The following COL19A1 variants were observed in gnomAD, a reference collection of about 807,000 sequenced individuals.
COL19A1 encodes the protein collagen alpha-1(XIX) chain.
Under a neutral mutation model 190.2 loss-of-function variants are expected in COL19A1, and 159 were observed. That is an observed-to-expected ratio of 0.84 (90% confidence interval 0.73 to 0.95). COL19A1 has a LOEUF of 0.95. COL19A1 is among the 40% of genes least tolerant of loss of function. The probability of loss-of-function intolerance (pLI) is 0.00; values close to 1 mark genes in which losing one functional copy is unlikely to be tolerated. For synonymous variants in COL19A1, 509 were observed against 458.9 expected, an observed-to-expected ratio of 1.11 and a Z score of -1.39; for missense variants, 1,418 against 1,431.9, an observed-to-expected ratio of 0.99 and a Z score of 0.16.
chr6:69,958,712 A>G lies in COL19A1; in HGVS notation c.937-1284A>G, dbSNP rs2066246. On this transcript the variant is annotated intron_variant, in intron 9 of 50. Coordinates refer to ENST00000620364, the MANE Select transcript of COL19A1 (RefSeq NM_001858.6). ...GATAATTTAATCTAATCTAAGAAAA[A>G]CCTCAATCTTTAAAATAATATGTGT... 8.6e-3 allele frequency among the ~76,000 whole-genome samples: 1,306 copies of G among 152,230 alleles called. 19 individuals carry two copies. The highest frequency in any genetic ancestry group is 0.029 in the African/African-American group (1,221 of 41,554).
intron 48 of COL19A1, among the ~76,000 whole-genome samples, chr6:70,191,987 C>T (rs757961824): frequency 6.6e-6 from 1 of 152,126 alleles, no homozygotes; most frequent in Non-Finnish European, 1.5e-5. Context: ...ACTAGAAATA[C>T]AGTAGAGTAA....
At chr6:69,993,837 TTC>T (rs1776754918) in intron 11 of COL19A1, among the ~76,000 whole-genome samples, 1 of 152,086 alleles carries the variant, frequency 6.6e-6, no homozygotes, top group Admixed American at 6.6e-5. Context: ...TATTTGGATC[TTC>T]TCTCTTTTTT....
chr6:70,030,131 A>G (rs1020960097), intron 12 of COL19A1, among the ~76,000 whole-genome samples: 1 of 152,144 alleles, frequency 6.6e-6, no homozygotes, highest in East Asian at 1.9e-4. Context: ...ATATACTTCA[A>G]TGATAATACT....
intron 9 of COL19A1, among the ~76,000 whole-genome samples, chr6:69,945,076 G>A (rs1434742357): frequency 6.6e-6 from 1 of 151,786 alleles, no homozygotes; most frequent in African/African-American, 2.4e-5. Flanking sequence ...AATTCTCTCA[G>A]AGTTTTATAA....
chr6:69,929,745 T>A (rs1772632331), intron 6 of COL19A1, 45 bp downstream of exon 6: 1 of 1,446,398 alleles, frequency 6.9e-7, no homozygotes, highest in Non-Finnish European at 9.3e-7. Flanking sequence ...AATTTCTAAG[T>A]AAAAAAAAAA....
chr6:70,073,731 A>G (rs1781694024), intron 15 of COL19A1, among the ~76,000 whole-genome samples: 1 of 152,174 alleles, frequency 6.6e-6, no homozygotes, highest in Non-Finnish European at 1.5e-5. Flanking sequence ...TGCAAGGTAG[A>G]GTAGACTATT....
intron 11 of COL19A1, among the ~76,000 whole-genome samples, chr6:69,996,179 A>G (rs1776894679): frequency 6.6e-6 from 1 of 152,176 alleles, no homozygotes; most frequent in African/African-American, 2.4e-5. Context: ...ACACAATACT[A>G]TTCAGGTGGC....
chr6:70,051,257 G>C (rs1206936729), intron 14 of COL19A1, among the ~76,000 whole-genome samples: 1 of 152,102 alleles, frequency 6.6e-6, no homozygotes, highest in Non-Finnish European at 1.5e-5. Context: ...CCAATATAGA[G>C]AAAGGATTAG....
At chr6:70,048,156 G>A (rs1424372914) in intron 14 of COL19A1, among the ~76,000 whole-genome samples, 1 of 152,228 alleles carries the variant, frequency 6.6e-6, no homozygotes, top group East Asian at 1.9e-4. Flanking sequence ...TACGCACAGA[G>A]AGGGTGCATA....
At chr6:70,171,341 C>T (rs1323379442) in intron 40 of COL19A1, among the ~76,000 whole-genome samples, 1 of 152,170 alleles carries the variant, frequency 6.6e-6, no homozygotes, top group Non-Finnish European at 1.5e-5. Context: ...TGAGGATCTA[C>T]AGGCTCCAGC....
intron 11 of COL19A1, among the ~76,000 whole-genome samples, chr6:69,966,248 G>GTCGCCA (rs1562042600): frequency 6.6e-6 from 1 of 152,126 alleles, no homozygotes; most frequent in Non-Finnish European, 1.5e-5. Context: ...CCTCTGCCCG[G>GTCGCCA]CCGCCACCCC....
In COL19A1 at chr6:70,139,567, T is replaced by C. The variant is rs543164554; in HGVS notation, c.1447-1387T>C. On this transcript the variant is annotated intron_variant, in intron 19 of 50. Transcript: ENST00000620364. ...AATTTTACATTATTACGGAGAGCAGTTTAGCTTTTTATGGTCTCAAACTTT... is the reference window on the plus strand; with the variant it reads ...AATTTTACATTATTACGGAGAGCAGCTTAGCTTTTTATGGTCTCAAACTTT... 2.8e-4 allele frequency among the ~76,000 whole-genome samples: 42 copies of C among 152,168 alleles called. 1 individual carries two copies. In the South Asian group the frequency reaches 8.3e-3, roughly 30 times the overall value.
chr6:69,877,274 T>G (rs529828617), intron 1 of COL19A1, among the ~76,000 whole-genome samples: 1 of 152,342 alleles, frequency 6.6e-6, no homozygotes, highest in African/African-American at 2.4e-5. Context: ...TATTTCCACA[T>G]TAGTTGCTTC....
intron 31 of COL19A1, 139 bp from the exon 32 acceptor site, chr6:70,155,988 A>G (rs190828410): frequency 1.6e-6 from 1 of 629,294 alleles, no homozygotes; most frequent in Admixed American, 3.2e-5. Flanking sequence ...AATTGGATAC[A>G]TCAAGTGTCT....
intron 16 of COL19A1, among the ~76,000 whole-genome samples, chr6:70,117,026 G>C (rs561077408): frequency 7.2e-5 from 11 of 152,248 alleles, no homozygotes; most frequent in South Asian, 2.1e-4. Context: ...GAGATGAAGA[G>C]GTACAGGGTA....
At chr6:69,928,076 A>G in intron 5 of COL19A1, 44 bp downstream of exon 5, 2 of 1,592,964 alleles carry the variant, frequency 1.3e-6, no homozygotes, top group Middle Eastern at 1.7e-4. Context: ...TCCTTGTGTA[A>G]TTAAGCCAGG....
chr6:70,113,892 T>C (rs1784419111), intron 16 of COL19A1, among the ~76,000 whole-genome samples: 1 of 129,382 alleles, frequency 7.7e-6, no homozygotes, highest in African/African-American at 2.9e-5. Flanking sequence ...GCTCTGTCAC[T>C]CAGGCTGGAG....
intron 11 of COL19A1, among the ~76,000 whole-genome samples, chr6:70,001,249 T>A (rs1272151019): frequency 2.6e-5 from 4 of 152,150 alleles, no homozygotes; most frequent in Admixed American, 1.3e-4. Flanking sequence ...GGTACCAGTA[T>A]CATGCTGTTT....
At chr6:70,003,161 G>T (rs1777378997) in intron 11 of COL19A1, among the ~76,000 whole-genome samples, 1 of 152,162 alleles carries the variant, frequency 6.6e-6, no homozygotes, top group Non-Finnish European at 1.5e-5. Context: ...TTCAGAGGAG[G>T]TTGTTCAATT....
Sources: gnomAD v4.1 joint callset for allele counts (sites outside exome capture counted in the v4.1 genomes callset) on GRCh38, gnomAD v4.1.1 for gene constraint, MANE v1.5 for transcripts, NCBI Gene and HGNC (gene_info 2026-07-23, HGNC 2026-07-21) for gene names.